Variants in AFG2A observed in about 807,000 individuals in gnomAD.
AFG2A encodes the protein ATPase family gene 2 protein homolog A.
the AFG2A span, among the ~76,000 whole-genome samples, chr4:122,995,958 T>C: frequency 2.0e-5 from 3 of 152,236 alleles, no homozygotes; most frequent in African/African-American, 7.2e-5. Context: ...TATACAGATA[T>C]GAAGTAATTG....
At chr4:122,937,504 A>G in the AFG2A span, among the ~76,000 whole-genome samples, 3 of 152,050 alleles carry the variant, frequency 2.0e-5, no homozygotes, top group East Asian at 5.8e-4. Context: ...GAATCAGAAA[A>G]CCCACCATTT....
the AFG2A span, among the ~76,000 whole-genome samples, chr4:123,228,171 C>G: frequency 6.6e-6 from 1 of 152,076 alleles, no homozygotes; most frequent in Non-Finnish European, 1.5e-5. Context: ...GACTCTTTAT[C>G]CAGTTTGCCA....
the AFG2A span, among the ~76,000 whole-genome samples, chr4:123,063,858 TA>T: frequency 6.6e-6 from 1 of 152,216 alleles, no homozygotes; most frequent in Non-Finnish European, 1.5e-5. Context: ...TTGCTCATGC[TA>T]AATCAAATTA....
At chr4:123,089,680 G>A in the AFG2A span, among the ~76,000 whole-genome samples, 1 of 151,998 alleles carries the variant, frequency 6.6e-6, no homozygotes, top group Non-Finnish European at 1.5e-5. Flanking sequence ...CACCTCCCAG[G>A]TTCAAGGTAT....
the AFG2A span, among the ~76,000 whole-genome samples, chr4:123,001,933 G>A: frequency 2.6e-5 from 4 of 152,144 alleles, no homozygotes; most frequent in African/African-American, 9.7e-5. Context: ...TACTGTGTGG[G>A]TGTCTAAGTC....
the AFG2A span, among the ~76,000 whole-genome samples, chr4:123,122,784 T>G: frequency 2.0e-5 from 3 of 151,670 alleles, no homozygotes; most frequent in African/African-American, 7.3e-5. Flanking sequence ...TTTTTTTGTT[T>G]TTTTTTTTTG....
the AFG2A span, among the ~76,000 whole-genome samples, chr4:123,026,856 T>A: frequency 6.6e-6 from 1 of 152,200 alleles, no homozygotes; most frequent in Non-Finnish European, 1.5e-5. Flanking sequence ...TATATTCAAG[T>A]CCCAGTTGAC....
At chr4:123,194,577 G>C in the AFG2A span, among the ~76,000 whole-genome samples, 1 of 152,062 alleles carries the variant, frequency 6.6e-6, no homozygotes, top group Non-Finnish European at 1.5e-5. Context: ...GTCTTAATGA[G>C]TTACATGAAA....
the AFG2A span, among the ~76,000 whole-genome samples, chr4:123,306,961 G>A: frequency 1.3e-5 from 2 of 152,296 alleles, no homozygotes; most frequent in African/African-American, 2.4e-5. Flanking sequence ...GGGATTAGGG[G>A]AAAGCTTCCA....
the AFG2A span, among the ~76,000 whole-genome samples, chr4:123,124,628 A>T: frequency 6.6e-6 from 1 of 152,160 alleles, no homozygotes; most frequent in Non-Finnish European, 1.5e-5. Flanking sequence ...CCTGGAACTT[A>T]AAGTATTAAA....
At chr4:123,081,323 T>C in the AFG2A span, among the ~76,000 whole-genome samples, 3 of 152,222 alleles carry the variant, frequency 2.0e-5, no homozygotes, top group African/African-American at 7.2e-5. Context: ...GTCTACGTAG[T>C]TTTGCCTCTT....
chr4:123,292,334 A>G, the AFG2A span, among the ~76,000 whole-genome samples: 1 of 152,134 alleles, frequency 6.6e-6, no homozygotes, highest in South Asian at 2.1e-4. Flanking sequence ...GAGCAACTTA[A>G]TAGTCAGCAT....
the AFG2A span, among the ~76,000 whole-genome samples, chr4:122,999,162 T>TGTTA: frequency 8.1e-6 from 1 of 122,724 alleles, no homozygotes; most frequent in Non-Finnish European, 1.8e-5. Context: ...TGGGGTTGTT[T>TGTTA]TTTTCTTGTA....
the AFG2A span, among the ~76,000 whole-genome samples, chr4:123,172,124 T>C: frequency 1.3e-5 from 2 of 152,190 alleles, no homozygotes; most frequent in Non-Finnish European, 2.9e-5. Flanking sequence ...GCATTCTTAA[T>C]ACTTCTTGGA....
chr4:123,002,106 A>T, the AFG2A span, among the ~76,000 whole-genome samples: 1 of 151,874 alleles, frequency 6.6e-6, no homozygotes, highest in Non-Finnish European at 1.5e-5. Context: ...AGTCTGTTTT[A>T]TCAGAGACTA....
At chr4:123,101,675 C>G in the AFG2A span, among the ~76,000 whole-genome samples, 2 of 151,918 alleles carry the variant, frequency 1.3e-5, no homozygotes, top group African/African-American at 4.8e-5. Context: ...GTGCTTTGGG[C>G]ACAGACCTTC....
the AFG2A span, among the ~76,000 whole-genome samples, chr4:123,262,690 A>G: frequency 6.6e-6 from 1 of 152,264 alleles, no homozygotes; most frequent in Non-Finnish European, 1.5e-5. Flanking sequence ...CCAAAAAAGT[A>G]TAAGCTACCT....
the AFG2A span, among the ~76,000 whole-genome samples, chr4:123,223,028 G>A: frequency 6.6e-6 from 1 of 152,146 alleles, no homozygotes; most frequent in Non-Finnish European, 1.5e-5. Context: ...TGAGATCCTG[G>A]TTTTAATTCT....
the AFG2A span, among the ~76,000 whole-genome samples, chr4:122,926,875 C>T: frequency 6.6e-6 from 1 of 152,110 alleles, no homozygotes; most frequent in Non-Finnish European, 1.5e-5. Flanking sequence ...AGAAATAGGA[C>T]CCAATTCCTG....
Sources: gnomAD v4.1 joint callset for allele counts (sites outside exome capture counted in the v4.1 genomes callset) on GRCh38, gnomAD v4.1.1 for gene constraint, MANE v1.5 for transcripts, NCBI Gene and HGNC (gene_info 2026-07-23, HGNC 2026-07-21) for gene names.